SMC5: variants seen among roughly 807,000 people sequenced by gnomAD.
SMC5 encodes structural maintenance of chromosomes protein 5.
A neutral mutation model predicts 148.3 loss-of-function variants in SMC5; 88 were observed. The observed-to-expected ratio is 0.59, with a 90% confidence interval of 0.50 to 0.71. The LOEUF is 0.71. Ranked by LOEUF, SMC5 falls within the 30% of genes least tolerant of loss-of-function variation. SMC5 has a pLI of 0.00. For synonymous variants in SMC5, 421 were observed against 432.8 expected (o/e 0.97, Z 0.34); for missense variants, 1,142 against 1,298.9 (o/e 0.88, Z 1.86).
At chr9:70,315,402 T>C (rs2118574287) in intron 12 of SMC5, 44 bp from the exon 13 acceptor site, 1 of 1,422,534 alleles carries the variant, frequency 7.0e-7, no homozygotes, top group Non-Finnish European at 9.4e-7. Context: ...ATTTTTTTAA[T>C]GATATTTTAA....
intron 1 of SMC5, among the ~76,000 whole-genome samples, chr9:70,260,951 C>T (rs556389986): frequency 2.8e-4 from 42 of 152,210 alleles, no homozygotes; most frequent in Non-Finnish European, 5.1e-4. Flanking sequence ...CCATGTTGCC[C>T]AGGCTAGTTT....
At chr9:70,289,561 A>AGTTTACT (rs2035003636) in intron 8 of SMC5, among the ~76,000 whole-genome samples, 1 of 152,144 alleles carries the variant, frequency 6.6e-6, no homozygotes, top group African/African-American at 2.4e-5. Context: ...CAGATGAAGA[A>AGTTTACT]GTTTAAACAG....
intron 15 of SMC5, among the ~76,000 whole-genome samples, chr9:70,322,422 G>T (rs1456042688): frequency 6.6e-6 from 1 of 152,134 alleles, no homozygotes; most frequent in Non-Finnish European, 1.5e-5. Flanking sequence ...GTTCACTTTG[G>T]ACTACTGCAG....
chr9:70,269,911 G>A lies in SMC5; in HGVS notation c.380+1936G>A, dbSNP rs564952971. On this transcript the variant is annotated intron_variant, in intron 3 of 24. Coordinates refer to ENST00000361138, the MANE Select transcript of SMC5 (RefSeq NM_015110.4). ...TATAAAAGTGGCAGTTTAATTAAGT[G>A]TGGGATATTTTAAGAGATAGGAAAA... Among the ~76,000 whole-genome samples the A allele has an allele frequency of 5.3e-5, 8 of 152,334 alleles. No homozygotes were observed. The South Asian group carries it at 1.7e-3, about 32-fold the overall frequency.
chr9:70,264,248 G>A (rs2034213468), intron 1 of SMC5, 56 bp from the exon 2 acceptor site: 4 of 1,517,006 alleles, frequency 2.6e-6, no homozygotes, highest in East Asian at 2.3e-5. Flanking sequence ...ATAATGTAAA[G>A]CAAGGAAAAG....
intron 17 of SMC5, among the ~76,000 whole-genome samples, chr9:70,337,453 T>G (rs1159366267): frequency 2.6e-4 from 2 of 7,624 alleles, no homozygotes; most frequent in African/African-American, 3.6e-4. Context: ...GGGATTTGTT[T>G]TTTTTTTTTT....
intron 7 of SMC5, among the ~76,000 whole-genome samples, chr9:70,285,729 T>C (rs1190881623): frequency 6.6e-6 from 1 of 152,258 alleles, no homozygotes. Flanking sequence ...GTGTAATATG[T>C]GTCTATAATA....
chr9:70,276,955 A>G (rs186992345), intron 3 of SMC5, among the ~76,000 whole-genome samples: 6 of 152,264 alleles, frequency 3.9e-5, no homozygotes, highest in African/African-American at 7.2e-5. Context: ...ATACTAACAC[A>G]TTTTGAATTG....
intron 3 of SMC5, among the ~76,000 whole-genome samples, chr9:70,273,010 C>G (rs546011005): frequency 6.6e-6 from 1 of 151,912 alleles, no homozygotes; most frequent in African/African-American, 2.4e-5. Context: ...TTAGAATAAC[C>G]CAGTTTGGTC....
chr9:70,277,903 TAA>T (rs897333866), intron 4 of SMC5, among the ~76,000 whole-genome samples: 2 of 151,974 alleles, frequency 1.3e-5, no homozygotes, highest in African/African-American at 4.8e-5. Flanking sequence ...TTATTAAACA[TAA>T]AAAATGCTAA....
Position 70,265,471 on chromosome 9 carries a change from A to G in SMC5, c.327+1026A>G, listed in dbSNP as rs867660004. ...TGAGACTCTGTCTCAAGAAAAATAA[A>G]TAAAATAAAAATCACAAAATAAGAT... On this transcript the variant is annotated intron_variant, in intron 2 of 24. Coordinates refer to ENST00000361138, the MANE Select transcript of SMC5 (RefSeq NM_015110.4). Among the ~76,000 whole-genome samples, 8 of 152,342 alleles carry G rather than the reference A, an allele frequency of 5.3e-5. No homozygotes were observed. The South Asian group carries it at 6.2e-4, about 12-fold the overall frequency.
chr9:70,276,194 G>T (rs2034588417), intron 3 of SMC5, among the ~76,000 whole-genome samples: 1 of 152,220 alleles, frequency 6.6e-6, no homozygotes, highest in Admixed American at 6.5e-5. Flanking sequence ...TACAGTGAGG[G>T]TATATCGCTT....
At chr9:70,263,742 C>G (rs780374147) in intron 1 of SMC5, among the ~76,000 whole-genome samples, 4 of 152,126 alleles carry the variant, frequency 2.6e-5, no homozygotes, top group Non-Finnish European at 5.9e-5. Context: ...GCCTCAGGCT[C>G]CCTGGTAGCT....
At chr9:70,261,312 A>G (rs1386493446) in intron 1 of SMC5, among the ~76,000 whole-genome samples, 1 of 152,184 alleles carries the variant, frequency 6.6e-6, no homozygotes, top group Non-Finnish European at 1.5e-5. Context: ...GTAGAGGATG[A>G]TTTAGAAAGG....
chr9:70,330,102 T>C (rs2036181910), intron 17 of SMC5, among the ~76,000 whole-genome samples: 1 of 152,122 alleles, frequency 6.6e-6, no homozygotes, highest in Non-Finnish European at 1.5e-5. Context: ...AACATGAAAT[T>C]TGGGTTGGGA....
Position 70,280,828 on chromosome 9 carries a change from G to A in SMC5, c.748G>A (p.Val250Met). 6 of 1,613,914 alleles carry A rather than the reference G, an allele frequency of 3.7e-6. No homozygotes were observed. Among genetic ancestry groups the A allele is most frequent in the Non-Finnish European group, 5.1e-6 (6 of 1,179,900 alleles). ...VQRNERYKQD[V>M]ERFYERKRHL... ...GAGGAATGAAAGATATAAACAAGAT[G>A]TGGAGAGGTTCTATGAACGGAAGCG... Residue 250 changes from valine (V) to methionine (M), a missense_variant, in exon 6 of 25, where the codon GTG becomes ATG. Val to Met is a conservative substitution (Grantham distance 21). Around this residue, in one of 5 missense-constraint regions of SMC5, gnomAD observed 297 missense variants for 302.6 expected, o/e 0.98. Transcript: ENST00000361138.
At chr9:70,267,412 C>T (rs964376680) in intron 2 of SMC5, among the ~76,000 whole-genome samples, 4 of 151,958 alleles carry the variant, frequency 2.6e-5, no homozygotes, top group Admixed American at 6.6e-5. Flanking sequence ...CCTTTTAGAA[C>T]GATGCTTGGT....
chr9:70,323,407 CTG>C (rs2035996853), intron 15 of SMC5, 74 bp from the exon 16 acceptor site: 1 of 1,417,444 alleles, frequency 7.1e-7, no homozygotes, highest in African/African-American at 1.5e-5. Flanking sequence ...TCCCAGAAAA[CTG>C]GGGGGGACCT....
In SMC5 at chr9:70,351,882, C is replaced by T. The variant is rs140480443; in HGVS notation, c.3166-309C>T. ...CCTGAGGTCAGGAGTTCGAGACCAG[C>T]CTGGCCAACATGGTGAAACCCTGTC... On this transcript the variant is annotated intron_variant, in intron 24 of 24. Coordinates refer to ENST00000361138, the MANE Select transcript of SMC5 (RefSeq NM_015110.4). Among the ~76,000 whole-genome samples, 1,249 of 152,136 alleles carry T rather than the reference C, an allele frequency of 8.2e-3. 17 individuals carry two copies. The highest frequency in any genetic ancestry group is 0.029 in the African/African-American group (1,204 of 41,484).
Sources: gnomAD v4.1 joint callset for allele counts (sites outside exome capture counted in the v4.1 genomes callset) on GRCh38, gnomAD v4.1.1 for gene constraint, gnomAD v4.1.1 regional missense constraint, MANE v1.5 for transcripts, NCBI Gene and HGNC (gene_info 2026-07-23, HGNC 2026-07-21) for gene names.